Variants in GLDC observed in about 807,000 individuals in gnomAD.
GLDC encodes the protein glycine decarboxylase.
GLDC carries 104 observed loss-of-function variants against 121.3 expected under a neutral mutation model. That is an observed-to-expected ratio of 0.86 (90% confidence interval 0.73 to 1.01). GLDC has a LOEUF of 1.01. Ranked by LOEUF, GLDC falls within the 50% of genes least tolerant of loss-of-function variation. The pLI, the probability that GLDC is intolerant of heterozygous loss-of-function variation, is 0.00. For synonymous variants in GLDC, 546 were observed against 480.6 expected (o/e 1.14, Z -1.78); for missense variants, 1,429 against 1,306.6 (o/e 1.09, Z -1.44).
chr9:6,545,932 T>C (rs956678551), intron 21 of GLDC, among the ~76,000 whole-genome samples: 4 of 152,182 alleles, frequency 2.6e-5, no homozygotes, highest in Non-Finnish European at 4.4e-5. Context: ...TGAGCCACCA[T>C]GCCCAGCGTA....
rs140877566 is a variant in GLDC, at chr9:6,556,307, G to C, written c.2053-5C>G. The C allele has an allele frequency of 4.0e-3, 6,510 of 1,611,998 alleles. 19 individuals carry two copies. Among genetic ancestry groups the C allele is most frequent in the Non-Finnish European group, 5.1e-3 (6,025 of 1,178,062 alleles). On this transcript the variant is annotated splice_polypyrimidine_tract_variant and splice_region_variant and intron_variant, in intron 17 of 24. Coordinates refer to ENST00000321612, the MANE Select transcript of GLDC (RefSeq NM_000170.3). ...GTTCTCCTTGTGCTTATCCACCTGT[G>C]AAAGAAAAGGGGTAGAGAAGGACAT...
In GLDC at chr9:6,595,530, A is replaced by G. The variant is rs117124385; in HGVS notation, c.1156-411T>C. ...CTCAACCAGGCAATTCTTCAAGAAT[A>G]AAAAGAAACAAGCAATTTTCAAACA... On this transcript the variant is annotated intron_variant, in intron 8 of 24. Coordinates refer to ENST00000321612, the MANE Select transcript of GLDC (RefSeq NM_000170.3). Among the ~76,000 whole-genome samples the G allele has an allele frequency of 3.1e-4, 47 of 152,346 alleles. 2 individuals are homozygous for G. In the East Asian group the frequency reaches 9.1e-3, roughly 29 times the overall value.
chr9:6,585,616 T>C (rs916558462), intron 15 of GLDC, among the ~76,000 whole-genome samples: 1 of 152,180 alleles, frequency 6.6e-6, no homozygotes, highest in Non-Finnish European at 1.5e-5. Context: ...GTGTAGTCTA[T>C]GTTACAAAAC....
chr9:6,537,355 T>C (rs561697880), intron 22 of GLDC, among the ~76,000 whole-genome samples: 1 of 152,342 alleles, frequency 6.6e-6, no homozygotes, highest in South Asian at 2.1e-4. Context: ...AACTCCCAGG[T>C]TGATACACCT....
chr9:6,644,049 A>AAAAAAAAAAAAG (rs1819685293), intron 2 of GLDC, among the ~76,000 whole-genome samples: 1 of 144,610 alleles, frequency 6.9e-6, no homozygotes, highest in Non-Finnish European at 1.5e-5. Context: ...AAAAAAAAAA[A>AAAAAAAAAAAAG]ACGAAAAAAA....
intron 8 of GLDC, among the ~76,000 whole-genome samples, chr9:6,597,327 G>A (rs1818510268): frequency 1.3e-5 from 2 of 152,136 alleles, no homozygotes; most frequent in African/African-American, 4.8e-5. Context: ...TGTAAATAGA[G>A]TAAAAACCAT....
At chr9:6,559,596 G>A (rs1168393447) in intron 16 of GLDC, among the ~76,000 whole-genome samples, 2 of 150,596 alleles carry the variant, frequency 1.3e-5, no homozygotes, top group Non-Finnish European at 1.5e-5. Flanking sequence ...ACTTCGGGAG[G>A]TGGAGGTCAG....
At chr9:6,595,337 C>T (rs999471780) in intron 8 of GLDC, among the ~76,000 whole-genome samples, 4 of 152,178 alleles carry the variant, frequency 2.6e-5, no homozygotes, top group African/African-American at 4.8e-5. Flanking sequence ...CTATACTAAA[C>T]CTTCACATTT....
Position 6,536,278 on chromosome 9 carries a change from T to A in GLDC, c.2666-42A>T, listed in dbSNP as rs372072307. 8 of 1,550,648 alleles carry A rather than the reference T, an allele frequency of 5.2e-6. No homozygotes were observed. In the African/African-American group the frequency reaches 9.5e-5, roughly 18 times the overall value. ...GAGAACTTGCCTCACTGAAGGTCAG[T>A]GGCCTACCCAGTTTGGAAGAAAAGT... On this transcript the variant is annotated intron_variant, in intron 22 of 24. Coordinates refer to ENST00000321612, the MANE Select transcript of GLDC (RefSeq NM_000170.3).
chr9:6,568,406 T>C (rs1232691191), intron 15 of GLDC, among the ~76,000 whole-genome samples: 2 of 152,198 alleles, frequency 1.3e-5, no homozygotes, highest in Non-Finnish European at 2.9e-5. Flanking sequence ...CAAACTATTA[T>C]ATATGGAGGA....
At chr9:6,554,271 A>T (rs1817571998) in intron 19 of GLDC, among the ~76,000 whole-genome samples, 1 of 151,942 alleles carries the variant, frequency 6.6e-6, no homozygotes, top group African/African-American at 2.4e-5. Flanking sequence ...CATCTAATTC[A>T]CTTTCAATGG....
intron 21 of GLDC, 156 bp from the exon 22 acceptor site, chr9:6,540,302 A>G: frequency 1.5e-6 from 1 of 664,352 alleles, no homozygotes; most frequent in Admixed American, 2.3e-5. Flanking sequence ...ATTATTGGCA[A>G]TAAAGGTTTC....
intron 16 of GLDC, among the ~76,000 whole-genome samples, chr9:6,559,796 C>A (rs1278172323): frequency 2.6e-5 from 4 of 151,384 alleles, no homozygotes; most frequent in African/African-American, 9.7e-5. Flanking sequence ...GCCTGGGCAA[C>A]AGAGCAAGAC....
In GLDC at chr9:6,536,138, C is replaced by A. The variant is rs1305278291; in HGVS notation, c.2764G>T (p.Ala922Ser). Reference protein sequence around the residue: ...DKAELDRFCDAMISIRQEIAD... With the variant: ...DKAELDRFCDSMISIRQEIAD... ...ATTTCCTGCCGAATGCTGATCATGG[C>A]ATCACAGAATCTGTCCAGCTCTGCC... Residue 922 changes from alanine (A) to serine (S), a missense_variant, in exon 23 of 25, where the codon GCC becomes TCC. Ala to Ser is a moderately conservative substitution (Grantham distance 99). Coordinates refer to ENST00000321612, the MANE Select transcript of GLDC (RefSeq NM_000170.3). 1.2e-6 allele frequency: 2 copies of A among 1,614,134 alleles called. No homozygotes were observed. Among genetic ancestry groups the A allele is most frequent in the Non-Finnish European group, 1.7e-6 (2 of 1,179,966 alleles).
At chr9:6,644,982 C>T (rs148458230) in intron 1 of GLDC, among the ~76,000 whole-genome samples, 1 of 152,258 alleles carries the variant, frequency 6.6e-6, no homozygotes, top group Non-Finnish European at 1.5e-5. Context: ...TAGGTCCATC[C>T]ACAGGGCCAC....
chr9:6,570,354 AT>A (rs1381441312), intron 15 of GLDC, among the ~76,000 whole-genome samples: 1 of 152,200 alleles, frequency 6.6e-6, no homozygotes, highest in Non-Finnish European at 1.5e-5. Flanking sequence ...AGATTTATAT[AT>A]TTTTGAATTA....
intron 17 of GLDC, 156 bp downstream of exon 17, chr9:6,558,403 G>T (rs775994714): frequency 1.7e-5 from 14 of 823,180 alleles, no homozygotes; most frequent in Non-Finnish European, 2.5e-5. Flanking sequence ...CTCCCTGTTG[G>T]TGATGGGAGG....
chr9:6,547,531 G>C (rs1423367586), intron 21 of GLDC, among the ~76,000 whole-genome samples: 1 of 152,100 alleles, frequency 6.6e-6, no homozygotes, highest in African/African-American at 2.4e-5. Flanking sequence ...AGATAAATTG[G>C]CACAAAGTCT....
At chr9:6,600,132 C>T (rs1818575285) in intron 8 of GLDC, among the ~76,000 whole-genome samples, 1 of 152,122 alleles carries the variant, frequency 6.6e-6, no homozygotes, top group Non-Finnish European at 1.5e-5. Context: ...TATGGGAGGC[C>T]AAGATAGGAT....
Sources: allele counts gnomAD v4.1 joint callset (sites outside exome capture counted in the v4.1 genomes callset), GRCh38; gene constraint gnomAD v4.1.1; transcripts MANE v1.5; gene names NCBI Gene and HGNC (gene_info 2026-07-23, HGNC 2026-07-21).